GABRG3: variants seen among roughly 807,000 people sequenced by gnomAD.
The protein encoded by GABRG3 is gamma-aminobutyric acid receptor subunit gamma-3.
Under a neutral mutation model 48.8 loss-of-function variants are expected in GABRG3, and 25 were observed. The ratio of observed to expected loss-of-function variants is 0.51; its 90% CI spans 0.37 to 0.72. GABRG3 has a LOEUF of 0.72. Ranked by LOEUF, GABRG3 falls within the 30% of genes least tolerant of loss-of-function variation. The pLI is 0.00. For missense variants in GABRG3, 394 were observed against 577.9 expected (o/e 0.68, Z 3.26); for synonymous variants, 227 against 217.6 (o/e 1.04, Z -0.38).
intron 6 of GABRG3, among the ~76,000 whole-genome samples, chr15:27,490,327 T>A (rs138873300): frequency 6.6e-5 from 10 of 152,338 alleles, no homozygotes; most frequent in African/African-American, 2.2e-4. Context: ...ACTGCTTCTG[T>A]GCAGACAAGG....
At chr15:27,002,904 AC>A (rs1466816276) in intron 2 of GABRG3, among the ~76,000 whole-genome samples, 7 of 151,978 alleles carry the variant, frequency 4.6e-5, no homozygotes, top group African/African-American at 1.7e-4. Context: ...GTTTGAGGTT[AC>A]AGTGAGCTAC....
chr15:27,000,369 C>T (rs1230704001), intron 2 of GABRG3, among the ~76,000 whole-genome samples: 2 of 152,148 alleles, frequency 1.3e-5, no homozygotes, highest in Non-Finnish European at 2.9e-5. Flanking sequence ...AGTGTTCTGG[C>T]AGACTCTAGG....
intron 3 of GABRG3, among the ~76,000 whole-genome samples, chr15:27,034,098 A>G (rs1228172409): frequency 6.6e-6 from 1 of 152,242 alleles, no homozygotes; most frequent in Non-Finnish European, 1.5e-5. Flanking sequence ...CTAACTCACC[A>G]TGACTTCTCC....
At chr15:27,338,702 G>A (rs1177716250) in intron 5 of GABRG3, among the ~76,000 whole-genome samples, 1 of 152,150 alleles carries the variant, frequency 6.6e-6, no homozygotes, top group Non-Finnish European at 1.5e-5. Flanking sequence ...AACTGGACAG[G>A]ACAACTACAT....
In GABRG3 at chr15:27,286,865, C is replaced by T. The variant is rs566889017; in HGVS notation, c.271-39944C>T. Among the ~76,000 whole-genome samples, 6 of 152,276 alleles carry T rather than the reference C, an allele frequency of 3.9e-5. No homozygotes were observed. The East Asian group carries it at 5.8e-4, about 15-fold the overall frequency. ...CGTGTCCCTGCAAGTCTTAGTTCCACGCCTGCTCTGGGCTGCCCTACTCTC... is the reference window on the plus strand; with the variant it reads ...CGTGTCCCTGCAAGTCTTAGTTCCATGCCTGCTCTGGGCTGCCCTACTCTC... On this transcript the variant is annotated intron_variant, in intron 3 of 9. Transcript: ENST00000615808.
At chr15:27,217,025 G>A (rs1253463336) in intron 3 of GABRG3, among the ~76,000 whole-genome samples, 2 of 145,890 alleles carry the variant, frequency 1.4e-5, no homozygotes, top group Non-Finnish European at 3.0e-5. Flanking sequence ...AGAATATGCG[G>A]TGTTTGGTTT....
At chr15:27,178,533 G>A (rs901477050) in intron 3 of GABRG3, among the ~76,000 whole-genome samples, 3 of 152,096 alleles carry the variant, frequency 2.0e-5, no homozygotes, top group Admixed American at 6.5e-5. Flanking sequence ...CTGAAAAGTC[G>A]GTTCACAAAA....
At chr15:27,307,561 A>C (rs759406368) in intron 3 of GABRG3, among the ~76,000 whole-genome samples, 5 of 75,932 alleles carry the variant, frequency 6.6e-5, no homozygotes, top group Non-Finnish European at 1.1e-4. Flanking sequence ...TTATAGGTTT[A>C]TATATTTATA....
intron 3 of GABRG3, among the ~76,000 whole-genome samples, chr15:27,230,465 T>C (rs1331668578): frequency 5.9e-5 from 9 of 152,250 alleles, no homozygotes; most frequent in African/African-American, 2.2e-4. Context: ...ATTGCTATTC[T>C]TACTTTCTGT....
chr15:27,462,027 A>T (rs2150836053), intron 5 of GABRG3, among the ~76,000 whole-genome samples: 1 of 152,230 alleles, frequency 6.6e-6, no homozygotes, highest in East Asian at 1.9e-4. Flanking sequence ...CTGCTTCTAG[A>T]ACCAGTTCTC....
At chr15:27,371,358 T>C (rs1343681965) in intron 5 of GABRG3, among the ~76,000 whole-genome samples, 1 of 152,188 alleles carries the variant, frequency 6.6e-6, no homozygotes, top group Non-Finnish European at 1.5e-5. Flanking sequence ...CACTAATCTC[T>C]TTCAGCCTTG....
chr15:27,191,287 T>G (rs549513454), intron 3 of GABRG3, among the ~76,000 whole-genome samples: 1 of 152,292 alleles, frequency 6.6e-6, no homozygotes, highest in East Asian at 1.9e-4. Context: ...CTTGTTGACT[T>G]TCTGTCTCAT....
chr15:27,394,815 C>T (rs1887251393), intron 5 of GABRG3, among the ~76,000 whole-genome samples: 1 of 152,084 alleles, frequency 6.6e-6, no homozygotes, highest in African/African-American at 2.4e-5. Context: ...GACAAGTCAG[C>T]TTTTGATCTT....
At chr15:27,183,020 T>G (rs1207158064) in intron 3 of GABRG3, among the ~76,000 whole-genome samples, 1 of 152,250 alleles carries the variant, frequency 6.6e-6, no homozygotes, top group Non-Finnish European at 1.5e-5. Context: ...TTAGTGAAGC[T>G]GATCAATTCG....
chr15:27,493,729 G>C (rs1169146668), intron 6 of GABRG3, among the ~76,000 whole-genome samples: 1 of 152,128 alleles, frequency 6.6e-6, no homozygotes, highest in African/African-American at 2.4e-5. Context: ...TTCAATTTTA[G>C]ACAGAATCGA....
rs547854754 is a variant in GABRG3, at chr15:26,975,469, C to T, written c.54-1533C>T. Among the ~76,000 whole-genome samples, 79 of 152,148 alleles carry T rather than the reference C, an allele frequency of 5.2e-4. No homozygotes were observed. The highest frequency in any genetic ancestry group is 8.0e-4 in the African/African-American group (33 of 41,502). ...GGAAGTCATTCTTTGAGACATATGC[C>T]GTATACTCATTGTCAACATCTCTCA... On this transcript the variant is annotated intron_variant, in intron 1 of 9. Coordinates refer to ENST00000615808, the MANE Select transcript of GABRG3 (RefSeq NM_033223.5). This position sits in a 1 kb window ranked among gnomAD's most constrained non-coding sequence, Gnocchi z 4.6.
chr15:27,137,302 A>G (rs749363709), intron 3 of GABRG3, among the ~76,000 whole-genome samples: 9 of 152,174 alleles, frequency 5.9e-5, no homozygotes, highest in Non-Finnish European at 8.8e-5. Flanking sequence ...ACTGTCTCCA[A>G]TGAAATACAC....
chr15:27,061,521 A>G (rs1341143029), intron 3 of GABRG3, among the ~76,000 whole-genome samples: 1 of 151,972 alleles, frequency 6.6e-6, no homozygotes, highest in Non-Finnish European at 1.5e-5. Flanking sequence ...CAGCTGCATA[A>G]AGCCCTCCAG....
At chr15:27,410,124 G>A (rs1887751446) in intron 5 of GABRG3, among the ~76,000 whole-genome samples, 1 of 152,128 alleles carries the variant, frequency 6.6e-6, no homozygotes, top group African/African-American at 2.4e-5. Context: ...TCAGTTATAA[G>A]TAGATATTAA....
Sources: allele counts gnomAD v4.1 joint callset (sites outside exome capture counted in the v4.1 genomes callset), GRCh38; gene constraint gnomAD v4.1.1; non-coding constraint Gnocchi (gnomAD v3.1); transcripts MANE v1.5; gene names NCBI Gene and HGNC (gene_info 2026-07-23, HGNC 2026-07-21).